Variants in HRH1 observed in about 807,000 individuals in gnomAD.
HRH1 encodes the protein histamine receptor H1.
In HRH1, 6 loss-of-function variants were observed where a neutral mutation model predicts 10.3. The ratio of observed to expected loss-of-function variants is 0.58; its 90% CI spans 0.32 to 1.15. The LOEUF (loss-of-function observed/expected upper bound fraction) is 1.15, where lower values mean the gene tolerates loss of function less well. Among genes scored for constraint, HRH1 ranks in the 50% most tolerant of loss-of-function variants. HRH1 has a pLI of 0.05. For synonymous variants in HRH1, 242 were observed against 236.7 expected (o/e 1.02, Z -0.21); for missense variants, 514 against 615.3 (o/e 0.84, Z 1.74).
intron 1 of HRH1, among the ~76,000 whole-genome samples, chr3:11,253,914 G>A (rs913795015): frequency 1.3e-5 from 2 of 152,172 alleles, no homozygotes; most frequent in African/African-American, 4.8e-5. Flanking sequence ...AGTGGTTTAA[G>A]CTCCTTTTTT....
At chr3:11,234,393 A>T in intron 1 of HRH1, 1 of 1,604,852 alleles carries the variant, frequency 6.2e-7, no homozygotes. Flanking sequence ...TTCTGCAGGC[A>T]TTCCTGCATG....
chr3:11,213,168 G>A (rs1174131460), intron 1 of HRH1, among the ~76,000 whole-genome samples: 2 of 152,138 alleles, frequency 1.3e-5, no homozygotes, highest in South Asian at 2.1e-4. Flanking sequence ...TGTTTCTTCC[G>A]CTAGAATGGT....
intron 1 of HRH1, among the ~76,000 whole-genome samples, chr3:11,218,242 C>T (rs1369429143): frequency 6.6e-6 from 1 of 151,846 alleles, no homozygotes; most frequent in Non-Finnish European, 1.5e-5. Context: ...GTCAGGAGTT[C>T]GAGACCAGCC....
At chr3:11,211,644 G>T (rs1938330517) in intron 1 of HRH1, among the ~76,000 whole-genome samples, 1 of 152,196 alleles carries the variant, frequency 6.6e-6, no homozygotes, top group Non-Finnish European at 1.5e-5. Context: ...GCAGAGTCCA[G>T]AAGCTCAAGT....
rs1939986821 is a variant in HRH1 at position 11,262,636 on chromosome 3, T to C, written c.*2135T>C. 1 of 166,932 alleles carries C rather than the reference T, an allele frequency of 6.0e-6. No homozygotes were observed. Among genetic ancestry groups the C allele is most frequent in the Admixed American group, 6.6e-5 (1 of 15,262 alleles). 10.3% of individuals were successfully genotyped at this position (166,932 alleles called of 1,614,324 possible). On this transcript the variant is annotated 3_prime_UTR_variant, in exon 2 of 2. Coordinates refer to ENST00000431010, the MANE Select transcript of HRH1 (RefSeq NM_001098212.2). ...AGGGTCCCTCAGGACCAAAGAACAC[T>C]CGAAAAGAGCACTTCACACAGACAA...
intron 1 of HRH1, among the ~76,000 whole-genome samples, chr3:11,171,341 C>G (rs1937147366): frequency 6.6e-6 from 1 of 152,166 alleles, no homozygotes; most frequent in Admixed American, 6.5e-5. Flanking sequence ...GTCTCAAACT[C>G]CTGACCTCAA....
intron 1 of HRH1, among the ~76,000 whole-genome samples, chr3:11,250,174 C>T (rs1473453468): frequency 6.8e-6 from 1 of 147,176 alleles, no homozygotes; most frequent in African/African-American, 2.5e-5. Context: ...TCCCGAGTAG[C>T]TGGGACTATA....
At chr3:11,212,939 GGCCTTT>G (rs1340047745) in intron 1 of HRH1, among the ~76,000 whole-genome samples, 2 of 151,980 alleles carry the variant, frequency 1.3e-5, no homozygotes, top group African/African-American at 4.8e-5. Context: ...CCCACCCCAG[GGCCTTT>G]GCATAGGCTG....
At chr3:11,189,745 G>A (rs904688971) in intron 1 of HRH1, among the ~76,000 whole-genome samples, 2 of 150,954 alleles carry the variant, frequency 1.3e-5, no homozygotes, top group African/African-American at 2.4e-5. Flanking sequence ...CCAACATAGC[G>A]AAACCCCATC....
chr3:11,159,159 A>G (rs1011724846), intron 1 of HRH1, among the ~76,000 whole-genome samples: 1 of 152,096 alleles, frequency 6.6e-6, no homozygotes, highest in Non-Finnish European at 1.5e-5. Flanking sequence ...GAGGCAGGAG[A>G]ATTGCTTGAA....
intron 1 of HRH1, among the ~76,000 whole-genome samples, chr3:11,225,696 T>G (rs1483250325): frequency 6.6e-6 from 1 of 152,258 alleles, no homozygotes; most frequent in Non-Finnish European, 1.5e-5. Flanking sequence ...ATTTACTTAC[T>G]TACTTTTGAG....
intron 1 of HRH1, among the ~76,000 whole-genome samples, chr3:11,160,445 C>T (rs1936900576): frequency 6.6e-6 from 1 of 152,196 alleles, no homozygotes; most frequent in South Asian, 2.1e-4. Flanking sequence ...TTCTCACTGT[C>T]GTTAGTTTAA....
At chr3:11,181,726 G>C (rs1937358170) in intron 1 of HRH1, among the ~76,000 whole-genome samples, 1 of 149,046 alleles carries the variant, frequency 6.7e-6, no homozygotes, top group South Asian at 2.1e-4. Context: ...CTGCCTCCCG[G>C]GTTTACAACA....
intron 1 of HRH1, among the ~76,000 whole-genome samples, chr3:11,232,016 T>G (rs1355648126): frequency 6.6e-6 from 1 of 151,322 alleles, no homozygotes; most frequent in Non-Finnish European, 1.5e-5. Flanking sequence ...TTTTTTAGAC[T>G]GAGTCTCGCT....
At chr3:11,223,186 A>AAG (rs1938768622) in intron 1 of HRH1, among the ~76,000 whole-genome samples, 1 of 135,724 alleles carries the variant, frequency 7.4e-6, no homozygotes, top group Non-Finnish European at 1.6e-5. Context: ...TTCGTCTCAA[A>AAG]AAAAAAAAAA....
intron 1 of HRH1, among the ~76,000 whole-genome samples, chr3:11,243,631 AC>A (rs2152581949): frequency 6.6e-6 from 1 of 152,282 alleles, no homozygotes; most frequent in Non-Finnish European, 1.5e-5. Context: ...TGCTCTAGGC[AC>A]TTCCAATGAC....
intron 1 of HRH1, among the ~76,000 whole-genome samples, chr3:11,236,654 C>A (rs904955618): frequency 7.2e-5 from 11 of 152,208 alleles, no homozygotes; most frequent in Non-Finnish European, 1.5e-4. Context: ...CTGTGATTAT[C>A]AGAATAGAAC....
intron 1 of HRH1, among the ~76,000 whole-genome samples, chr3:11,179,147 G>T (rs984102456): frequency 1.3e-5 from 2 of 152,108 alleles, no homozygotes; most frequent in Admixed American, 1.3e-4. Context: ...AATTAGCTGG[G>T]CGTGGTGGCG....
intron 1 of HRH1, among the ~76,000 whole-genome samples, chr3:11,139,425 G>A (rs999653716): frequency 1.3e-5 from 2 of 151,862 alleles, no homozygotes; most frequent in African/African-American, 4.8e-5. Flanking sequence ...GATTACAGGC[G>A]CCTGCCACCA....
Sources: allele counts gnomAD v4.1 joint callset (sites outside exome capture counted in the v4.1 genomes callset), GRCh38; gene constraint gnomAD v4.1.1; transcripts MANE v1.5; gene names NCBI Gene and HGNC (gene_info 2026-07-23, HGNC 2026-07-21).